ELP1: variants seen among roughly 807,000 people sequenced by gnomAD.
ELP1 encodes the protein elongator acetyltransferase complex subunit 1, also known as elongator complex protein 1.
ELP1 carries 131 observed loss-of-function variants against 183.2 expected under a neutral mutation model. The observed-to-expected ratio is 0.72, with a 90% CI of 0.62 to 0.83. The LOEUF is 0.83. ELP1 is among the 40% of genes least tolerant of loss of function. ELP1 has a pLI of 0.00. For synonymous variants in ELP1, 555 were observed against 569.0 expected (o/e 0.98, Z 0.35); for missense variants, 1,550 against 1,594.9 (o/e 0.97, Z 0.48).
chr9:108,882,174 G>A lies in ELP1; in HGVS notation c.3236C>T (p.Ala1079Val), dbSNP rs752344797. Reference sequence around the variant, plus strand: ...AGCTCCTTCTAACAGCAAGAGCACAGCTTCTTCATAATCCTGACAAGGGAA... The same window carrying A: ...AGCTCCTTCTAACAGCAAGAGCACAACTTCTTCATAATCCTGACAAGGGAA... ...LEECAQDYEE[A>V]VLLLLEGAAW... Residue 1079 changes from alanine (A) to valine (V), a missense_variant, in exon 30 of 37, where the codon GCT becomes GTT. Ala to Val is a moderately conservative substitution (Grantham distance 64). Transcript: ENST00000374647. 1.9e-6 allele frequency: 3 copies of A among 1,613,196 alleles called. No homozygotes were observed. The Admixed American group carries it at 5.0e-5, about 27-fold the overall frequency.
At chr9:108,929,740 C>T in intron 3 of ELP1, 29 bp downstream of exon 3, 3 of 1,612,804 alleles carry the variant, frequency 1.9e-6, no homozygotes, top group Non-Finnish European at 8.5e-7. Context: ...ATGCTTGAGA[C>T]TCCCCCCTCA....
At position 108,897,387 on chromosome 9, in the gene ELP1, A is replaced by G. The variant is rs1389774018; in HGVS notation, c.2364-102T>C. On this transcript the variant is annotated intron_variant, in intron 22 of 36. Transcript: ENST00000374647. ...ATGCTGATGATGATAAATAAAAATG[A>G]CTTTTGGAAAAGAGTTGAATTATAA... The G allele has an allele frequency of 3.2e-6, 4 of 1,259,120 alleles. No individual in the cohort carries two copies. The East Asian group carries it at 6.9e-5, about 22-fold the overall frequency. 78.0% of individuals were successfully genotyped at this position (1,259,120 alleles called of 1,614,324 possible).
intron 14 of ELP1, 44 bp from the exon 15 acceptor site, chr9:108,903,713 T>A: frequency 7.4e-7 from 1 of 1,360,098 alleles, no homozygotes; most frequent in Non-Finnish European, 1.1e-6. Flanking sequence ...ACCATTTTTC[T>A]CAAAAATAGT....
chr9:108,909,884 A>G (rs1587906088), intron 12 of ELP1, among the ~76,000 whole-genome samples: 1 of 152,194 alleles, frequency 6.6e-6, no homozygotes, highest in East Asian at 1.9e-4. Flanking sequence ...GAGGAGATAA[A>G]AACGTCCTAA....
intron 29 of ELP1, among the ~76,000 whole-genome samples, chr9:108,887,420 C>T (rs1828166330): frequency 6.6e-6 from 1 of 152,014 alleles, no homozygotes; most frequent in African/African-American, 2.4e-5. Context: ...TTTATAGAAA[C>T]CATGTTTGTT....
chr9:108,906,400 C>A lies in ELP1; in HGVS notation c.1546G>T (p.Ala516Ser). 1 of 1,614,064 alleles carries A rather than the reference C, an allele frequency of 6.2e-7. No individual in the cohort carries two copies. Among genetic ancestry groups the A allele is most frequent in the East Asian group, 2.2e-5 (1 of 44,874 alleles). Residue 516 changes from alanine to serine, a missense_variant, in exon 14 of 37, where the codon GCT becomes TCT. Ala to Ser is a moderately conservative substitution (Grantham distance 99). Transcript: ENST00000374647. The stretch of plus-strand genomic sequence containing the variant: ...GGGCTGAACTCACTGTGGCTTACAG[C>A]CAGGAAGACGTCTTCTTCAATCCAA... ...LTWIEEDVFLAVSHSEFSPRS... is the reference protein window; with the variant it reads ...LTWIEEDVFLSVSHSEFSPRS...
chr9:108,924,386 T>C (rs1296811961), intron 5 of ELP1, among the ~76,000 whole-genome samples: 1 of 151,984 alleles, frequency 6.6e-6, no homozygotes, highest in African/African-American at 2.4e-5. Context: ...CTCCATAGAA[T>C]GATTTTTTTT....
intron 26 of ELP1, 94 bp from the exon 27 acceptor site, chr9:108,893,177 G>A: frequency 1.1e-6 from 1 of 877,152 alleles, no homozygotes; most frequent in Admixed American, 1.9e-5. Context: ...AAATAAATGA[G>A]GAACTTTTTA....
chr9:108,901,170 C>T (rs140657394), intron 18 of ELP1, among the ~76,000 whole-genome samples: 1 of 152,198 alleles, frequency 6.6e-6, no homozygotes, highest in African/African-American at 2.4e-5. Flanking sequence ...ATAAAATTTC[C>T]TGAAAAGTTT....
chr9:108,891,094 A>C, intron 28 of ELP1, 109 bp downstream of exon 28: 1 of 1,045,812 alleles, frequency 9.6e-7, no homozygotes, highest in South Asian at 1.3e-5. Context: ...AGTGAGAACA[A>C]GACTGTCTCA....
At chr9:108,913,628 ATG>A (rs373151164) in intron 10 of ELP1, among the ~76,000 whole-genome samples, 2 of 151,258 alleles carry the variant, frequency 1.3e-5, no homozygotes, top group African/African-American at 2.4e-5. Context: ...TTCTTGTGCA[ATG>A]TGTGTGTGTG....
intron 22 of ELP1, 121 bp downstream of exon 22, chr9:108,898,381 T>C (rs972065183): frequency 8.7e-6 from 6 of 688,532 alleles, no homozygotes; most frequent in Non-Finnish European, 1.5e-5. Flanking sequence ...CTAAGAGTTA[T>C]AGCAATTTTT....
rs1321821005 is a variant in ELP1, at chr9:108,877,979, C to T, written c.3855+16G>A. 1 of 1,613,986 alleles carries T rather than the reference C, an allele frequency of 6.2e-7. No individual in the cohort carries two copies. Among genetic ancestry groups the T allele is most frequent in the East Asian group, 2.2e-5 (1 of 44,884 alleles). ...AAATGATGAAAAAAATGCACACCGT[C>T]TCTGAGAAAACTTACCGGGGTAGCT... is the stretch of plus-strand genomic sequence containing the variant. On this transcript the variant is annotated intron_variant, in intron 35 of 36. Transcript: ENST00000374647.
At chr9:108,900,041 T>C (rs76794298) in intron 19 of ELP1, 146 bp from the exon 20 acceptor site, 2 of 841,910 alleles carry the variant, frequency 2.4e-6, no homozygotes, top group Non-Finnish European at 3.9e-6. Context: ...TTGTTCTCTA[T>C]ATTTATCTTG....
chr9:108,903,108 A>G (rs1176490142), intron 15 of ELP1, among the ~76,000 whole-genome samples, 166 bp from the exon 16 acceptor site: 4 of 152,152 alleles, frequency 2.6e-5, no homozygotes, highest in African/African-American at 9.7e-5. Flanking sequence ...TTTAAGTTCT[A>G]GGGTACATGT....
At chr9:108,919,382 G>GATACTTAA in intron 6 of ELP1, 33 bp from the exon 7 acceptor site, 1 of 1,412,928 alleles carries the variant, frequency 7.1e-7, no homozygotes, top group Non-Finnish European at 1.0e-6. Flanking sequence ...ATATTACTGG[G>GATACTTAA]GGACCTTAAG....
At chr9:108,921,836 C>CA (rs1233919487) in intron 6 of ELP1, among the ~76,000 whole-genome samples, 2 of 152,192 alleles carry the variant, frequency 1.3e-5, no homozygotes, top group African/African-American at 4.8e-5. Flanking sequence ...TAAAAAGTTT[C>CA]AAAAATTATT....
chr9:108,918,522 C>G (rs1037813580), intron 8 of ELP1, among the ~76,000 whole-genome samples: 1 of 152,068 alleles, frequency 6.6e-6, no homozygotes, highest in Non-Finnish European at 1.5e-5. Context: ...TCATATATAC[C>G]CTGCCTTAAA....
intron 14 of ELP1, 73 bp downstream of exon 14, chr9:108,906,230 T>C (rs1234952446): frequency 1.8e-5 from 26 of 1,455,534 alleles, no homozygotes; most frequent in African/African-American, 8.4e-5. Context: ...AAGTCAAAAG[T>C]TGTATGCTCA....
Sources: allele counts gnomAD v4.1 joint callset (sites outside exome capture counted in the v4.1 genomes callset), GRCh38; gene constraint gnomAD v4.1.1; transcripts MANE v1.5; gene names NCBI Gene and HGNC (gene_info 2026-07-23, HGNC 2026-07-21).